Variants in TUSC3 observed in about 807,000 individuals in gnomAD.
The protein encoded by TUSC3 is dolichyl-diphosphooligosaccharide--protein glycosyltransferase subunit TUSC3.
In TUSC3, 45 loss-of-function variants were observed where a neutral mutation model predicts 44.8. That is an observed-to-expected ratio of 1.00 (90% CI 0.79 to 1.29). The LOEUF (loss-of-function observed/expected upper bound fraction) is 1.29. Ranked by LOEUF, TUSC3 falls within the 50% of genes most tolerant of loss-of-function variation. The probability of loss-of-function intolerance (pLI) is 0.00; values close to 1 mark genes in which losing one functional copy is unlikely to be tolerated. For synonymous variants in TUSC3, 212 were observed against 152.9 expected, an observed-to-expected ratio of 1.39 and a Z score of -2.85; for missense variants, 519 against 437.9, an observed-to-expected ratio of 1.19 and a Z score of -1.65.
intron 9 of TUSC3, among the ~76,000 whole-genome samples, chr8:15,750,942 G>A (rs1292301987): frequency 6.6e-6 from 1 of 152,004 alleles, no homozygotes; most frequent in African/African-American, 2.4e-5. Flanking sequence ...ACCCTAAGGA[G>A]GAGCTGCCAA....
rs993566534 is a variant in TUSC3 at position 15,492,944 on chromosome 8, G to A, written n.189+9461G>A. Reference sequence around the variant, plus strand: ...AACATCATGAAAAAAAGACAAAACTGTTGCCACTGCACTCCAGCCTGTGTA... The same window carrying A: ...AACATCATGAAAAAAAGACAAAACTATTGCCACTGCACTCCAGCCTGTGTA... On this transcript the variant is annotated intron_variant and non_coding_transcript_variant, in intron 2 of 5. Coordinates refer to the TUSC3 transcript ENST00000503191. Among the ~76,000 whole-genome samples the A allele has an allele frequency of 3.3e-5, 5 of 152,070 alleles. No individual in the cohort carries two copies. The South Asian group carries it at 1.0e-3, about 32-fold the overall frequency.
At chr8:15,612,013 C>G (rs558450740) in intron 1 of TUSC3, among the ~76,000 whole-genome samples, 5 of 152,238 alleles carry the variant, frequency 3.3e-5, no homozygotes, top group Admixed American at 1.3e-4. Context: ...TTCTTGTTCT[C>G]TTAGAGACTC....
At chr8:15,839,138 C>A in the TUSC3 span, among the ~76,000 whole-genome samples, 1 of 152,056 alleles carries the variant, frequency 6.6e-6, no homozygotes, top group Non-Finnish European at 1.5e-5. Flanking sequence ...TGGGAGTTCA[C>A]TCATGATTTG....
chr8:15,847,901 TG>T, the TUSC3 span, among the ~76,000 whole-genome samples: 1,432 of 152,320 alleles, frequency 9.4e-3, 31 homozygotes, highest in African/African-American at 0.033. Context: ...TAATCATACC[TG>T]TGAGGTTATT....
intron 1 of TUSC3, among the ~76,000 whole-genome samples, chr8:15,440,096 A>G (rs114901493): frequency 0.012 from 1,883 of 152,302 alleles, 40 homozygotes; most frequent in African/African-American, 0.043. Context: ...CTACAAGCTG[A>G]GATAATTGCC....
intron 2 of TUSC3, among the ~76,000 whole-genome samples, chr8:15,504,671 C>T (rs1358046009): frequency 3.4e-4 from 18 of 52,906 alleles, no homozygotes; most frequent in East Asian, 1.1e-3. Flanking sequence ...GTGTTTTTTT[C>T]GAGATGGAGT....
chr8:15,695,912 G>A (rs551365415), intron 6 of TUSC3, among the ~76,000 whole-genome samples: 14 of 152,276 alleles, frequency 9.2e-5, no homozygotes, highest in African/African-American at 3.1e-4. Context: ...CATTCAAGAA[G>A]TGAGGTGGGT....
intron 1 of TUSC3, among the ~76,000 whole-genome samples, chr8:15,461,134 A>G (rs573380145): frequency 6.6e-6 from 1 of 152,234 alleles, no homozygotes; most frequent in African/African-American, 2.4e-5. Context: ...GGTCATTTTC[A>G]CAGTACTGAC....
chr8:15,743,491 G>A, intron 7 of TUSC3, 47 bp from the exon 8 acceptor site: 2 of 1,598,364 alleles, frequency 1.3e-6, no homozygotes, highest in Non-Finnish European at 1.7e-6. Flanking sequence ...AAAATTAATA[G>A]ATTTTATTCA....
At chr8:15,620,794 C>G (rs1805209975) in intron 1 of TUSC3, among the ~76,000 whole-genome samples, 1 of 152,142 alleles carries the variant, frequency 6.6e-6, no homozygotes, top group African/African-American at 2.4e-5. Flanking sequence ...ACTCAGGAGT[C>G]TCATTCCTTT....
chr8:15,496,169 T>C (rs1433429789), intron 2 of TUSC3, among the ~76,000 whole-genome samples: 4 of 152,212 alleles, frequency 2.6e-5, no homozygotes, highest in Non-Finnish European at 5.9e-5. Flanking sequence ...ATAAATGATG[T>C]ACTCTCTGGG....
intron 2 of TUSC3, among the ~76,000 whole-genome samples, chr8:15,493,796 A>G (rs759232175): frequency 6.6e-6 from 1 of 152,222 alleles, no homozygotes. Context: ...TACGTCTGGA[A>G]TGACCAAGTA....
chr8:15,425,660 G>T (rs1799794797), intron 1 of TUSC3, among the ~76,000 whole-genome samples: 1 of 152,190 alleles, frequency 6.6e-6, no homozygotes. Context: ...GTATGCCGAG[G>T]ACCAATGGAC....
intron 1 of TUSC3, among the ~76,000 whole-genome samples, chr8:15,557,812 T>C (rs1802320117): frequency 7.4e-6 from 1 of 134,450 alleles, no homozygotes; most frequent in Non-Finnish European, 1.6e-5. Flanking sequence ...GTTTGTCTGT[T>C]GTTGGTGTAT....
At chr8:15,493,981 C>T (rs957620131) in intron 2 of TUSC3, among the ~76,000 whole-genome samples, 4 of 152,162 alleles carry the variant, frequency 2.6e-5, no homozygotes, top group Non-Finnish European at 4.4e-5. Flanking sequence ...ATTTACAAGG[C>T]CAGCTGGTAT....
intron 5 of TUSC3, among the ~76,000 whole-genome samples, chr8:15,670,330 T>G (rs1807889518): frequency 6.6e-6 from 1 of 151,862 alleles, no homozygotes; most frequent in African/African-American, 2.4e-5. Flanking sequence ...TATAGATCTT[T>G]AATATTTATT....
At chr8:15,477,747 G>A (rs1481929461) in intron 1 of TUSC3, among the ~76,000 whole-genome samples, 2 of 151,968 alleles carry the variant, frequency 1.3e-5, no homozygotes, top group Non-Finnish European at 2.9e-5. Context: ...TAATTATAGT[G>A]AGAAATATAT....
At chr8:15,748,617 G>T (rs1215598140) in intron 9 of TUSC3, 152 bp downstream of exon 9, 1 of 766,078 alleles carries the variant, frequency 1.3e-6, no homozygotes. Flanking sequence ...CATGTGTTCA[G>T]CATAGTGAAG....
chr8:15,600,615 G>C (rs553529107), intron 1 of TUSC3, among the ~76,000 whole-genome samples: 17 of 151,714 alleles, frequency 1.1e-4, no homozygotes, highest in African/African-American at 3.6e-4. Flanking sequence ...ATAGGGGAGA[G>C]GGATAAACAT....
Sources: gnomAD v4.1 joint callset for allele counts (sites outside exome capture counted in the v4.1 genomes callset) on GRCh38, gnomAD v4.1.1 for gene constraint, MANE v1.5 for transcripts, NCBI Gene and HGNC (gene_info 2026-07-23, HGNC 2026-07-21) for gene names.